CCDC191: variants seen among roughly 807,000 people sequenced by gnomAD.
The protein encoded by CCDC191 is coiled-coil domain containing 191.
In CCDC191, 99 loss-of-function variants were observed where a neutral mutation model predicts 114.0. The ratio of observed to expected loss-of-function variants is 0.87; its 90% CI spans 0.74 to 1.03. The LOEUF (loss-of-function observed/expected upper bound fraction) is 1.03, where lower values mean the gene tolerates loss of function less well. Ranked by LOEUF, CCDC191 falls within the 50% of genes least tolerant of loss-of-function variation. The probability of loss-of-function intolerance (pLI) is 0.00; values close to 1 mark genes in which losing one functional copy is unlikely to be tolerated. For missense variants in CCDC191, 973 were observed against 1,087.0 expected, an observed-to-expected ratio of 0.90 and a Z score of 1.47; for synonymous variants, 351 against 376.0, an observed-to-expected ratio of 0.93 and a Z score of 0.77.
At chr3:114,009,019 G>A (rs1214009417) in intron 9 of CCDC191, among the ~76,000 whole-genome samples, 1 of 152,080 alleles carries the variant, frequency 6.6e-6, no homozygotes, top group Non-Finnish European at 1.5e-5. Context: ...AATACTGTAG[G>A]CAACTGTAAC....
intron 13 of CCDC191, among the ~76,000 whole-genome samples, chr3:113,981,385 G>A (rs1012724446): frequency 6.6e-6 from 1 of 152,134 alleles, no homozygotes; most frequent in South Asian, 2.1e-4. Flanking sequence ...CCCCTCAGGG[G>A]TGTGACCAAG....
At chr3:113,990,907 G>A (rs2107635137) in intron 13 of CCDC191, among the ~76,000 whole-genome samples, 1 of 132,034 alleles carries the variant, frequency 7.6e-6, no homozygotes, top group South Asian at 2.5e-4. Context: ...AGACTAGCCT[G>A]CGCAACATAG....
chr3:113,967,181 C>T (rs1940272966), intron 16 of CCDC191, among the ~76,000 whole-genome samples: 4 of 152,146 alleles, frequency 2.6e-5, no homozygotes, highest in Admixed American at 2.6e-4. Flanking sequence ...TTCAGTCCAC[C>T]ATTTACAGCT....
At chr3:113,990,257 A>T (rs895431383) in intron 13 of CCDC191, among the ~76,000 whole-genome samples, 1 of 152,156 alleles carries the variant, frequency 6.6e-6, no homozygotes, top group African/African-American at 2.4e-5. Context: ...TAAAGAGAAG[A>T]CATCAATACT....
chr3:114,033,562 C>G (rs1384165607), intron 6 of CCDC191, among the ~76,000 whole-genome samples: 1 of 152,140 alleles, frequency 6.6e-6, no homozygotes, highest in Non-Finnish European at 1.5e-5. Flanking sequence ...TTACCTATCT[C>G]ACTGTAACCA....
chr3:114,020,556 C>G (rs887724487), intron 7 of CCDC191, among the ~76,000 whole-genome samples: 1 of 152,050 alleles, frequency 6.6e-6, no homozygotes, highest in Non-Finnish European at 1.5e-5. Flanking sequence ...TTGCTGAATA[C>G]TGGATACTCT....
chr3:114,031,706 G>T lies in CCDC191; in HGVS notation c.892C>A (p.Pro298Thr). 6.4e-7 allele frequency: 1 copy of T among 1,573,704 alleles called. No homozygotes were observed. Among genetic ancestry groups the T allele is most frequent in the Non-Finnish European group, 8.7e-7 (1 of 1,143,790 alleles). Residue 298 changes from proline (P) to threonine (T), a missense_variant, in exon 7 of 17, where the codon CCA (proline) becomes ACA (threonine). Physicochemically the swap from Pro to Thr is conservative, Grantham distance 38. Coordinates refer to ENST00000295878, the MANE Select transcript of CCDC191 (RefSeq NM_020817.2). Reference sequence around the variant, plus strand: ...TCCTTCACCATTTTTTCCTCATCTGGAAGAATGTGAGTACTTTGAAACATG... The same window carrying T: ...TCCTTCACCATTTTTTCCTCATCTGTAAGAATGTGAGTACTTTGAAACATG... ...KVMFQSTHIL[P>T]DEEKMVKERK...
At chr3:113,999,385 G>C (rs1439978742) in intron 13 of CCDC191, among the ~76,000 whole-genome samples, 1 of 152,170 alleles carries the variant, frequency 6.6e-6, no homozygotes, top group Non-Finnish European at 1.5e-5. Context: ...TATGAGGCTA[G>C]CTTGGGGTGA....
chr3:113,995,144 C>T (rs2075684916), intron 13 of CCDC191, among the ~76,000 whole-genome samples: 1 of 152,076 alleles, frequency 6.6e-6, no homozygotes, highest in African/African-American at 2.4e-5. Context: ...AAAGGCAAAA[C>T]ACATAGGGAT....
At chr3:114,035,634 G>A (rs950052712) in intron 5 of CCDC191, among the ~76,000 whole-genome samples, 10 of 152,210 alleles carry the variant, frequency 6.6e-5, no homozygotes, top group Admixed American at 3.9e-4. Flanking sequence ...TGTAAATATA[G>A]CAGTGATTCT....
At position 113,978,929 on chromosome 3, in the gene CCDC191, T is replaced by C. The variant is rs1159685386; in HGVS notation, c.2389A>G (p.Arg797Gly). ...AATTGATCAGCCTGGGCCATCTTTCTAGCCAGACTTTCCTGACTACGCTGG... is the reference window on the plus strand; with the variant it reads ...AATTGATCAGCCTGGGCCATCTTTCCAGCCAGACTTTCCTGACTACGCTGG... ...WFQRSQESLARKMAQADQFYS... is the reference protein window; with the variant it reads ...WFQRSQESLAGKMAQADQFYS... Residue 797 changes from arginine to glycine, a missense_variant, in exon 15 of 17, where the codon AGA becomes GGA. Coordinates refer to ENST00000295878, the MANE Select transcript of CCDC191 (RefSeq NM_020817.2). 2 of 1,613,982 alleles carry C rather than the reference T, an allele frequency of 1.2e-6. No individual in the cohort carries two copies. Among genetic ancestry groups the C allele is most frequent in the African/African-American group, 2.7e-5 (2 of 74,940 alleles).
At chr3:114,004,897 A>C in intron 10 of CCDC191, 151 bp from the exon 11 acceptor site, 1 of 824,458 alleles carries the variant, frequency 1.2e-6, no homozygotes, top group East Asian at 3.2e-5. Flanking sequence ...AAATATGTGT[A>C]ATGAGGTATG....
rs888691444 is a variant in CCDC191, at chr3:114,036,829, A to G, written c.416-43T>C. 3 of 1,337,892 alleles carry G rather than the reference A, an allele frequency of 2.2e-6. No homozygotes were observed. The East Asian group carries it at 8.0e-5, about 36-fold the overall frequency. 82.9% of individuals were successfully genotyped at this position (1,337,892 alleles called of 1,614,324 possible). A position where few individuals can be genotyped will look rare whatever the true frequency, so the allele number is the denominator to read the frequency against. On this transcript the variant is annotated intron_variant, in intron 4 of 16. Coordinates refer to ENST00000295878, the MANE Select transcript of CCDC191 (RefSeq NM_020817.2). ...ACAAAAAAGGGAATTTTTTTAAAAA[A>G]TTAATTTTAGTATTATATTCATATT...
At position 113,965,149 on chromosome 3, in the gene CCDC191, T is replaced by C; in HGVS notation, c.*6A>G. ...CTTCCTGTCCTAAATATTACACTAA[T>C]CTGGCTCATTCGTTCACCAGACTTG... On this transcript the variant is annotated 3_prime_UTR_variant, in exon 17 of 17. Coordinates refer to ENST00000295878, the MANE Select transcript of CCDC191 (RefSeq NM_020817.2). The C allele has an allele frequency of 6.3e-7, 1 of 1,584,398 alleles. No homozygotes were observed. Among genetic ancestry groups the C allele is most frequent in the South Asian group, 1.2e-5 (1 of 86,690 alleles).
chr3:114,000,055 T>G (rs1019141501), intron 13 of CCDC191, among the ~76,000 whole-genome samples: 1 of 152,232 alleles, frequency 6.6e-6, no homozygotes, highest in Non-Finnish European at 1.5e-5. Context: ...GGTGCCATGT[T>G]GACAAGGGGT....
chr3:113,974,934 G>C (rs1356924460), intron 16 of CCDC191, among the ~76,000 whole-genome samples: 1 of 152,018 alleles, frequency 6.6e-6, no homozygotes, highest in Admixed American at 6.6e-5. Context: ...CATGTTATTA[G>C]GTATTTTTTT....
At chr3:114,035,975 T>C (rs1183856692) in intron 5 of CCDC191, among the ~76,000 whole-genome samples, 1 of 152,206 alleles carries the variant, frequency 6.6e-6, no homozygotes, top group East Asian at 1.9e-4. Context: ...ATCAGAAATT[T>C]AGTGTTATAC....
At position 114,018,578 on chromosome 3, in the gene CCDC191, G is replaced by C. The variant is rs2076198521; in HGVS notation, c.1163+100C>G. The C allele has an allele frequency of 4.3e-6, 4 of 931,222 alleles. No individual in the cohort carries two copies. In the Admixed American group the frequency reaches 1.0e-4, roughly 24 times the overall value. The allele number at this position is 931,222 out of a possible 1,614,324, so 57.7% of individuals were successfully genotyped here. On this transcript the variant is annotated intron_variant, in intron 8 of 16. Transcript: ENST00000295878. ...ATTACCATATTTCATAAGTGGTTAA[G>C]ATTATTCTAGTTGGCATGTGTAAAG...
chr3:114,031,911 C>T, intron 6 of CCDC191, 132 bp from the exon 7 acceptor site: 1 of 561,790 alleles, frequency 1.8e-6, no homozygotes, highest in Non-Finnish European at 3.1e-6. Flanking sequence ...GGCTCTAAAA[C>T]TACATAGTAG....
Sources: gnomAD v4.1 joint callset for allele counts (sites outside exome capture counted in the v4.1 genomes callset) on GRCh38, gnomAD v4.1.1 for gene constraint, MANE v1.5 for transcripts, NCBI Gene and HGNC (gene_info 2026-07-23, HGNC 2026-07-21) for gene names.